The following NOVA1 variants were observed in gnomAD, a reference collection of about 807,000 sequenced individuals.
NOVA1 encodes RNA-binding protein Nova-1.
A neutral mutation model predicts 38.0 loss-of-function variants in NOVA1; 7 were observed. That is an observed-to-expected ratio of 0.18 (90% CI 0.10 to 0.35). NOVA1 has a LOEUF of 0.35. Ranked by LOEUF, NOVA1 falls within the 10% of genes least tolerant of loss-of-function variation. NOVA1 has a pLI of 1.00. For missense variants in NOVA1, 460 were observed against 616.0 expected, an observed-to-expected ratio of 0.75 and a Z score of 2.68; for synonymous variants, 270 against 232.5, an observed-to-expected ratio of 1.16 and a Z score of -1.47.
Position 26,446,743 on chromosome 14 carries a change from A to C in NOVA1, c.*1216T>G, listed in dbSNP as rs1161727287. ...GTCTTGGGAACAAAGGCTTACTCTG[A>C]AATGACCTGTCAAAAAGCCTGACAA... On this transcript the variant is annotated 3_prime_UTR_variant, in exon 5 of 5. Transcript: ENST00000539517. 1.3e-5 allele frequency: 2 copies of C among 152,822 alleles called. No homozygotes were observed. Among genetic ancestry groups the C allele is most frequent in the East Asian group, 3.9e-4 (2 of 5,172 alleles). 9.5% of individuals were successfully genotyped at this position (152,822 alleles called of 1,614,324 possible).
chr14:26,450,963 T>G (rs561062712), intron 4 of NOVA1, among the ~76,000 whole-genome samples: 1 of 152,294 alleles, frequency 6.6e-6, no homozygotes, highest in Non-Finnish European at 1.5e-5. Flanking sequence ...AAAAATGTAT[T>G]AATCGGCCAA....
chr14:26,476,679 C>T (rs1166522126), intron 3 of NOVA1, among the ~76,000 whole-genome samples: 1 of 151,656 alleles, frequency 6.6e-6, no homozygotes, highest in Non-Finnish European at 1.5e-5. Flanking sequence ...GTCACTCTGA[C>T]CTGTATTTCT....
chr14:26,594,487 C>T (rs1894053751), intron 2 of NOVA1: 3 of 151,866 alleles, frequency 2.0e-5, no homozygotes, highest in South Asian at 4.1e-4. Flanking sequence ...ACTGAATTAA[C>T]GTTTTTGACA....
chr14:26,483,851 G>A (rs1885655752), intron 2 of NOVA1, among the ~76,000 whole-genome samples: 1 of 152,134 alleles, frequency 6.6e-6, no homozygotes, highest in African/African-American at 2.4e-5. Context: ...CTAAATGTAA[G>A]GCAGAATTTG....
At chr14:26,595,735 A>C (rs1419542602) in intron 1 of NOVA1, 182 bp from the exon 2 acceptor site, 14 of 527,118 alleles carry the variant, frequency 2.7e-5, no homozygotes, top group Non-Finnish European at 2.0e-5. Context: ...ACAGGTACAA[A>C]ATGTTTCCCA....
chr14:26,560,479 A>C (rs986512187), intron 2 of NOVA1, among the ~76,000 whole-genome samples: 1 of 152,118 alleles, frequency 6.6e-6, no homozygotes, highest in African/African-American at 2.4e-5. Flanking sequence ...AAGGGATAAA[A>C]TTGCCTCGTT....
chr14:26,454,177 A>C (rs539890831), intron 4 of NOVA1, among the ~76,000 whole-genome samples: 1 of 152,246 alleles, frequency 6.6e-6, no homozygotes, highest in South Asian at 2.1e-4. Context: ...GAAAAAAAAA[A>C]CAGAAAAGTT....
At chr14:26,478,669 A>C (rs1436990129) in intron 3 of NOVA1, among the ~76,000 whole-genome samples, 3 of 151,918 alleles carry the variant, frequency 2.0e-5, no homozygotes, top group African/African-American at 4.8e-5. Flanking sequence ...ACTATAAATG[A>C]CTGTGAAAAA....
rs1341437672 is a variant in NOVA1 at position 26,597,586 on chromosome 14, A to C, written c.-150T>G. 8.5e-7 allele frequency: 1 copy of C among 1,171,348 alleles called. No homozygotes were observed. 72.6% of individuals were successfully genotyped at this position (1,171,348 alleles called of 1,614,324 possible). ...TAATCGGATCAATATAAATCTCTTT[A>C]GGAAAAAAAGCAATGTTGCTGGTTT... On this transcript the variant is annotated 5_prime_UTR_variant, in exon 1 of 5. Transcript: ENST00000539517.
intron 4 of NOVA1, among the ~76,000 whole-genome samples, chr14:26,459,360 T>C (rs1429539463): frequency 1.3e-5 from 2 of 152,128 alleles, no homozygotes; most frequent in Non-Finnish European, 2.9e-5. Context: ...TAACATGCTG[T>C]ACAGATTTGT....
At chr14:26,500,565 T>C (rs1395676865) in intron 2 of NOVA1, among the ~76,000 whole-genome samples, 1 of 151,038 alleles carries the variant, frequency 6.6e-6, no homozygotes, top group East Asian at 1.9e-4. Flanking sequence ...AAGAAGAGTG[T>C]AGCTGAGTAA....
chr14:26,588,100 G>A (rs770979027), intron 2 of NOVA1, among the ~76,000 whole-genome samples: 1 of 150,784 alleles, frequency 6.6e-6, no homozygotes, highest in Non-Finnish European at 1.5e-5. Context: ...AGCCATGAGA[G>A]TATAACTATT....
At chr14:26,574,263 A>C (rs1892676717) in intron 2 of NOVA1, among the ~76,000 whole-genome samples, 2 of 73,986 alleles carry the variant, frequency 2.7e-5, no homozygotes, top group Non-Finnish European at 2.3e-5. Context: ...TGACCTCGTG[A>C]TCCACCCCCC....
intron 2 of NOVA1, among the ~76,000 whole-genome samples, chr14:26,582,955 T>C (rs1439991029): frequency 3.9e-5 from 6 of 151,932 alleles, no homozygotes; most frequent in Non-Finnish European, 8.9e-5. Flanking sequence ...TAGCTCATTA[T>C]CACAGTTTGG....
chr14:26,548,944 C>A (rs1365872785), intron 2 of NOVA1, among the ~76,000 whole-genome samples: 1 of 151,944 alleles, frequency 6.6e-6, no homozygotes, highest in African/African-American at 2.4e-5. Flanking sequence ...CCTATCTCTA[C>A]AGAAAGTAAA....
intron 3 of NOVA1, among the ~76,000 whole-genome samples, chr14:26,473,341 A>G (rs1373006392): frequency 6.6e-6 from 1 of 151,766 alleles, no homozygotes; most frequent in Non-Finnish European, 1.5e-5. Flanking sequence ...ATGCTCACTA[A>G]GCAAAATAGC....
intron 2 of NOVA1, among the ~76,000 whole-genome samples, chr14:26,570,141 G>A (rs956981610): frequency 5.9e-5 from 9 of 152,074 alleles, no homozygotes; most frequent in African/African-American, 1.7e-4. Flanking sequence ...GAGGTCAGGC[G>A]TTCGAGATCA....
intron 4 of NOVA1, among the ~76,000 whole-genome samples, chr14:26,454,922 T>C (rs1883031370): frequency 1.3e-5 from 2 of 152,266 alleles, no homozygotes; most frequent in African/African-American, 2.4e-5. Flanking sequence ...ATGTGCCATT[T>C]TGGGGAATCT....
intron 4 of NOVA1, among the ~76,000 whole-genome samples, chr14:26,454,049 A>G (rs937849898): frequency 6.6e-6 from 1 of 152,100 alleles, no homozygotes; most frequent in Non-Finnish European, 1.5e-5. Flanking sequence ...ACAATCTTTC[A>G]ATATCTCTAG....
Sources: gnomAD v4.1 joint callset for allele counts (sites outside exome capture counted in the v4.1 genomes callset) on GRCh38, gnomAD v4.1.1 for gene constraint, MANE v1.5 for transcripts, NCBI Gene and HGNC (gene_info 2026-07-23, HGNC 2026-07-21) for gene names.